The following COL13A1 variants were observed in gnomAD, a reference collection of about 807,000 sequenced individuals.
The protein encoded by COL13A1 is collagen type XIII alpha 1 chain.
COL13A1 carries 89 observed loss-of-function variants against 130.9 expected under a neutral mutation model. The ratio of observed to expected loss-of-function variants is 0.68; its 90% confidence interval spans 0.57 to 0.81. The LOEUF is 0.81. Among genes scored for constraint, COL13A1 ranks in the 30% least tolerant of loss-of-function variants. The probability of loss-of-function intolerance (pLI) is 0.00; values close to 1 mark genes in which losing one functional copy is unlikely to be tolerated. For synonymous variants in COL13A1, 402 were observed against 341.6 expected (o/e 1.18, Z -1.95); for missense variants, 879 against 934.6 (o/e 0.94, Z 0.78).
chr10:69,820,103 G>A (rs1845671636), intron 1 of COL13A1, among the ~76,000 whole-genome samples: 1 of 55,828 alleles, frequency 1.8e-5, no homozygotes, highest in Non-Finnish European at 5.4e-5. Flanking sequence ...CTGACCTCCT[G>A]GTATAAAAAA....
intron 2 of COL13A1, among the ~76,000 whole-genome samples, chr10:69,852,553 C>T (rs891940246): frequency 1.3e-5 from 2 of 152,268 alleles, no homozygotes; most frequent in African/African-American, 4.8e-5. Context: ...CCAGATATAT[C>T]GAGCAATGGC....
rs536679945 is a variant in COL13A1 at position 69,927,452 on chromosome 10, T to C, written c.1422+342T>C. On this transcript the variant is annotated intron_variant, in intron 27 of 40. Coordinates refer to ENST00000645393, the MANE Select transcript of COL13A1 (RefSeq NM_001368882.1). ...GTACTGAGGAGGATGTTTTTAATGT[T>C]TCTCTTTTTTCCCAACTTTTAGCTA... Among the ~76,000 whole-genome samples, 148 of 152,324 alleles carry C rather than the reference T, an allele frequency of 9.7e-4. No homozygotes were observed. In the Middle Eastern group the frequency reaches 0.01, roughly 11 times the overall value.
At chr10:69,869,760 G>C (rs2058874648) in intron 3 of COL13A1, among the ~76,000 whole-genome samples, 1 of 152,190 alleles carries the variant, frequency 6.6e-6, no homozygotes, top group African/African-American at 2.4e-5. Flanking sequence ...ACATCTATTG[G>C]CCATCCCTGG....
Position 69,890,150 on chromosome 10 carries a change from C to G in COL13A1, c.603+710C>G, listed in dbSNP as rs552355108. Among the ~76,000 whole-genome samples, 66 of 152,236 alleles carry G rather than the reference C, an allele frequency of 4.3e-4. No homozygotes were observed. In the Middle Eastern group the frequency reaches 0.01, roughly 24 times the overall value. On this transcript the variant is annotated intron_variant, in intron 10 of 40. Coordinates refer to ENST00000645393, the MANE Select transcript of COL13A1 (RefSeq NM_001368882.1). ...GAGACAACATTTGGCCCAGCTTTCTCCTGGCCCCTACCTTCTGCAGAGCTT... is the reference window on the plus strand; with the variant it reads ...GAGACAACATTTGGCCCAGCTTTCTGCTGGCCCCTACCTTCTGCAGAGCTT...
intron 15 of COL13A1, among the ~76,000 whole-genome samples, chr10:69,903,852 G>A (rs1199823892): frequency 1.3e-5 from 2 of 152,186 alleles, no homozygotes; most frequent in Admixed American, 1.3e-4. Context: ...TTAGCACCCT[G>A]TGTGTACGGC....
intron 7 of COL13A1, 60 bp downstream of exon 7, chr10:69,880,613 CT>C: frequency 1.3e-6 from 2 of 1,560,112 alleles, no homozygotes; most frequent in Non-Finnish European, 1.8e-6. Context: ...ATGAAAAGGG[CT>C]TTTAGGCTGG....
At chr10:69,812,108 A>G (rs1219511267) in intron 1 of COL13A1, among the ~76,000 whole-genome samples, 4 of 152,204 alleles carry the variant, frequency 2.6e-5, no homozygotes, top group Non-Finnish European at 5.9e-5. Flanking sequence ...CCGTCTCCTG[A>G]TTAAACTCTT....
At chr10:69,937,773 G>A (rs1179785984) in intron 34 of COL13A1, 58 bp downstream of exon 34, 3 of 778,602 alleles carry the variant, frequency 3.9e-6, no homozygotes, top group Non-Finnish European at 6.9e-6. Context: ...GTGTGGGCTG[G>A]GACTGGGGGA....
intron 5 of COL13A1, chr10:69,877,692 C>G (rs1170271380): frequency 8.4e-6 from 1 of 119,254 alleles, no homozygotes; most frequent in Non-Finnish European, 1.6e-5. Flanking sequence ...CTCTCTCTCT[C>G]TCTCTCTCAC....
At chr10:69,873,286 T>G (rs1335753455) in intron 4 of COL13A1, among the ~76,000 whole-genome samples, 1 of 152,216 alleles carries the variant, frequency 6.6e-6, no homozygotes, top group African/African-American at 2.4e-5. Flanking sequence ...CTTCTAAAAT[T>G]CATGCCTAGC....
At position 69,858,115 on chromosome 10, in the gene COL13A1, C is replaced by CAAAAAAAAAAAAAAAAA. The variant is rs573668102; in HGVS notation, c.365-9679_365-9663dup. ...TGGGTGACAGAGCGAGACTCCGTCT[C>CAAAAAAAAAAAAAAAAA]AAAAAAAAAAAAAAAAAAAAGATTG... On this transcript the variant is annotated intron_variant, in intron 2 of 40. Transcript: ENST00000645393. 5.2e-4 allele frequency among the ~76,000 whole-genome samples: 42 copies of CAAAAAAAAAAAAAAAAA among 80,360 alleles called. 2 individuals are homozygous for CAAAAAAAAAAAAAAAAA. The highest frequency in any genetic ancestry group is 1.4e-3 in the African/African-American group (27 of 19,880). 52.7% of individuals were successfully genotyped at this position (80,360 alleles called of 152,430 possible). A position where few individuals can be genotyped will look rare whatever the true frequency, so the allele number is the denominator to read the frequency against.
intron 2 of COL13A1, among the ~76,000 whole-genome samples, chr10:69,867,565 G>A (rs187107040): frequency 9.6e-4 from 146 of 152,356 alleles, no homozygotes; most frequent in African/African-American, 3.3e-3. Flanking sequence ...GTCCCCAGCA[G>A]GGCTGAGCCT....
intron 10 of COL13A1, among the ~76,000 whole-genome samples, chr10:69,891,517 C>T (rs549400138): frequency 6.6e-6 from 1 of 152,322 alleles, no homozygotes; most frequent in Admixed American, 6.5e-5. Context: ...CCAGGTTCCC[C>T]AGCAAGGTTT....
intron 17 of COL13A1, among the ~76,000 whole-genome samples, chr10:69,907,882 T>A (rs2062951040): frequency 6.6e-6 from 1 of 152,252 alleles, no homozygotes; most frequent in African/African-American, 2.4e-5. Context: ...AGGGCAGAGC[T>A]ATCATAATCT....
In COL13A1 at chr10:69,847,998, C is replaced by G. The variant is rs1853623485; in HGVS notation, c.365-19800C>G. ...GGCAGGAAACTGCCCTTCTTGCCCC[C>G]TGGCCCACCTCCTTCCTCTTCCCAG... On this transcript the variant is annotated intron_variant, in intron 2 of 40. Transcript: ENST00000645393. Among the ~76,000 whole-genome samples the G allele has an allele frequency of 2.0e-5, 3 of 152,244 alleles. No individual in the cohort carries two copies. The South Asian group carries it at 6.2e-4, about 32-fold the overall frequency.
intron 20 of COL13A1, 141 bp downstream of exon 20, chr10:69,919,229 T>C (rs1341561182): frequency 9.3e-7 from 1 of 1,079,496 alleles, no homozygotes; most frequent in African/African-American, 1.6e-5. Flanking sequence ...AAGGGCCCAC[T>C]GGTCAGGAGC....
At position 69,952,930 on chromosome 10, in the gene COL13A1, G is replaced by T. The variant is rs773889884; in HGVS notation, c.2107G>T (p.Asp703Tyr). Residue 703 changes from aspartate to tyrosine, a missense_variant, in exon 39 of 41, where the codon GAC (aspartate) becomes TAC (tyrosine). Transcript: ENST00000645393. ...TAGAGGGCCTAAAGGGGATAAGGGA[G>T]ACCAAGGAGCGCCTGGATTAGATGC... ...GSRGPKGDKG[D>Y]QGAPGLDAPC... The T allele has an allele frequency of 1.3e-6, 2 of 1,558,658 alleles. No individual in the cohort carries two copies. Among genetic ancestry groups the T allele is most frequent in the Non-Finnish European group, 8.6e-7 (1 of 1,158,876 alleles).
chr10:69,950,001 T>C (rs2069233836), intron 38 of COL13A1, among the ~76,000 whole-genome samples: 1 of 150,662 alleles, frequency 6.6e-6, no homozygotes, highest in African/African-American at 2.4e-5. Context: ...TGTGTGTGCG[T>C]GTGTGTGTAC....
chr10:69,802,612 T>G lies in COL13A1; in HGVS notation c.189T>G (p.Phe63Leu). Residue 63 changes from phenylalanine (F) to leucine (L), a missense_variant, in exon 1 of 41, where the codon TTT becomes TTG. This residue lies in a region of COL13A1 where 715 missense variants were observed against 721.0 expected (regional missense o/e 0.99). Transcript: ENST00000645393. ...TGGCACTCAGCCTGCTCGCCCACTT[T>G]CGGACGGCCGAGCTGCAGGCCCGGG... ...CSLALSLLAH[F>L]RTAELQARVL... The G allele has an allele frequency of 6.2e-7, 1 of 1,613,070 alleles. No individual in the cohort carries two copies.
Sources: gnomAD v4.1 joint callset for allele counts (sites outside exome capture counted in the v4.1 genomes callset) on GRCh38, gnomAD v4.1.1 for gene constraint, gnomAD v4.1.1 regional missense constraint, MANE v1.5 for transcripts, NCBI Gene and HGNC (gene_info 2026-07-23, HGNC 2026-07-21) for gene names.